The following SCAMP4 variants were observed in gnomAD, a reference collection of about 807,000 sequenced individuals.
SCAMP4 encodes secretory carrier membrane protein 4.
Under a neutral mutation model 32.1 loss-of-function variants are expected in SCAMP4, and 19 were observed. The observed-to-expected ratio is 0.59, with a 90% CI of 0.41 to 0.87. SCAMP4 has a LOEUF of 0.87. Ranked by LOEUF, SCAMP4 falls within the 40% of genes least tolerant of loss-of-function variation. The pLI is 0.00. For missense variants in SCAMP4, 302 were observed against 309.0 expected (o/e 0.98, Z 0.17); for synonymous variants, 152 against 132.7 (o/e 1.15, Z -1.00).
intron 2 of SCAMP4, among the ~76,000 whole-genome samples, chr19:1,916,755 G>A (rs2013745713): frequency 6.6e-6 from 1 of 152,196 alleles, no homozygotes; most frequent in Admixed American, 6.5e-5. Flanking sequence ...CCCACACCTG[G>A]GCAGTTTCTG....
intron 1 of SCAMP4, among the ~76,000 whole-genome samples, chr19:1,913,663 G>T (rs2013620297): frequency 6.6e-6 from 1 of 152,182 alleles, no homozygotes; most frequent in Non-Finnish European, 1.5e-5. Flanking sequence ...CCAAGTGTGT[G>T]GACACTAGGC....
At chr19:1,922,711 T>A in intron 5 of SCAMP4, 2 of 997,724 alleles carry the variant, frequency 2.0e-6, no homozygotes, top group Non-Finnish European at 2.4e-6. Flanking sequence ...TTTCCATGGC[T>A]GGTGCCCGCC....
chr19:1,923,384 C>T (rs958275596), intron 6 of SCAMP4, among the ~76,000 whole-genome samples, 197 bp downstream of exon 6: 2 of 152,138 alleles, frequency 1.3e-5, no homozygotes, highest in African/African-American at 2.4e-5. Context: ...GGACCCAGCG[C>T]CTGGGTTCCT....
intron 1 of SCAMP4, chr19:1,912,616 A>G: frequency 1.4e-6 from 2 of 1,473,738 alleles, no homozygotes; most frequent in Admixed American, 2.4e-5. Flanking sequence ...GCCGCCATGC[A>G]GAGCCACATG....
At chr19:1,919,053 G>C in intron 5 of SCAMP4, 63 bp downstream of exon 5, 6 of 1,559,160 alleles carry the variant, frequency 3.8e-6, no homozygotes, top group Non-Finnish European at 4.3e-6. Context: ...TTGTGGGCCT[G>C]CTGGGAAGCC....
intron 5 of SCAMP4, chr19:1,921,566 G>A (rs976247425): frequency 6.1e-6 from 6 of 985,356 alleles, no homozygotes; most frequent in Admixed American, 6.1e-5. Context: ...ACACTTGCAT[G>A]CGGGGGCGTG....
At chr19:1,919,118 G>C in intron 5 of SCAMP4, 128 bp downstream of exon 5, 1 of 1,497,938 alleles carries the variant, frequency 6.7e-7, no homozygotes, top group South Asian at 1.3e-5. Context: ...CTAGGGAGGG[G>C]TCTGAGCTCA....
In SCAMP4 at chr19:1,924,376, C is replaced by G. The variant is rs1056293209; in HGVS notation, c.*92C>G. ...CCGAGGGCTGGGAGTACCTGGGGCC[C>G]CATCCCCCCAGCTGGGATGGTGGAA... On this transcript the variant is annotated 3_prime_UTR_variant, in exon 7 of 7. Transcript: ENST00000316097. 1.6e-6 allele frequency: 2 copies of G among 1,236,192 alleles called. No individual in the cohort carries two copies. Among genetic ancestry groups the G allele is most frequent in the South Asian group, 1.4e-5 (1 of 71,762 alleles). The allele number at this position is 1,236,192 out of a possible 1,614,324, so 76.6% of individuals were successfully genotyped here.
In SCAMP4 at chr19:1,923,979, C is replaced by T. The variant is rs548278127; in HGVS notation, c.514-129C>T. On this transcript the variant is annotated intron_variant, in intron 6 of 6. Transcript: ENST00000316097. ...TTCACCATGTTGTTTGGACTGGTCT[C>T]GAACTCCAGAGCTCAGACAGTCTGT... 145 of 385,558 alleles carry T rather than the reference C, an allele frequency of 3.8e-4. 12 individuals carry two copies. Among genetic ancestry groups the T allele is most frequent in the East Asian group, 3.4e-3 (118 of 34,602 alleles). 23.9% of individuals were successfully genotyped at this position (385,558 alleles called of 1,614,324 possible). A position where few individuals can be genotyped will look rare whatever the true frequency, so the allele number is the denominator to read the frequency against.
rs372413412 is a variant in SCAMP4 at position 1,924,428 on chromosome 19, C to A, written c.*144C>A. On this transcript the variant is annotated 3_prime_UTR_variant, in exon 7 of 7. Coordinates refer to ENST00000316097, the MANE Select transcript of SCAMP4 (RefSeq NM_079834.4). ...CCGGTGGTGGCCACGGACCGCCCCC[C>A]TCCTGCCAGGGCCACAGAACCCGTG... 3.2e-4 allele frequency: 219 copies of A among 676,718 alleles called. 2 individuals carry two copies. The African/African-American group carries it at 3.3e-3, about 10-fold the overall frequency. The allele number at this position is 676,718 out of a possible 1,614,324, so 41.9% of individuals were successfully genotyped here.
At position 1,912,268 on chromosome 19, in the gene SCAMP4, G is replaced by T. The variant is rs751800354; in HGVS notation, c.-41-2711G>T. 6 of 1,592,922 alleles carry T rather than the reference G, an allele frequency of 3.8e-6. No individual in the cohort carries two copies. In the Admixed American group the frequency reaches 1.0e-4, roughly 27 times the overall value. On this transcript the variant is annotated intron_variant, in intron 1 of 6. Coordinates refer to ENST00000316097, the MANE Select transcript of SCAMP4 (RefSeq NM_079834.4). Reference sequence around the variant, plus strand: ...GTCCTGGACAAGCGCCAGACCTCACGCCTCCTGAAGGAGGTGTCGGCCCTG... The same window carrying T: ...GTCCTGGACAAGCGCCAGACCTCACTCCTCCTGAAGGAGGTGTCGGCCCTG...
rs2013954713 is a variant in SCAMP4 at position 1,922,598 on chromosome 19, A to G, written c.396-472A>G. 8 of 985,098 alleles carry G rather than the reference A, an allele frequency of 8.1e-6. No individual in the cohort carries two copies. The South Asian group carries it at 3.3e-4, about 40-fold the overall frequency. 61.0% of individuals were successfully genotyped at this position (985,098 alleles called of 1,614,324 possible). A position where few individuals can be genotyped will look rare whatever the true frequency, so the allele number is the denominator to read the frequency against. On this transcript the variant is annotated intron_variant, in intron 5 of 6. Coordinates refer to ENST00000316097, the MANE Select transcript of SCAMP4 (RefSeq NM_079834.4). ...TGATGGTGGCAGATTTTCCATCCGC[A>G]TTGCTCCCGGACATGCGGATGTAGG...
At chr19:1,913,696 T>C (rs1273449823) in intron 1 of SCAMP4, among the ~76,000 whole-genome samples, 1 of 152,144 alleles carries the variant, frequency 6.6e-6, no homozygotes, top group Non-Finnish European at 1.5e-5. Flanking sequence ...GCACCGACCC[T>C]AAGGAAGGGC....
intron 1 of SCAMP4, among the ~76,000 whole-genome samples, chr19:1,909,949 C>A (rs1320530464): frequency 6.6e-6 from 1 of 152,208 alleles, no homozygotes; most frequent in African/African-American, 2.4e-5. Context: ...CCTTGGCCGA[C>A]TAGGGGGCGA....
intron 1 of SCAMP4, chr19:1,912,605 C>T (rs1599241110): frequency 6.7e-7 from 1 of 1,484,358 alleles, no homozygotes; most frequent in Non-Finnish European, 8.9e-7. Flanking sequence ...CGCAGGAGCG[C>T]GCCGCCATGC....
intron 5 of SCAMP4, among the ~76,000 whole-genome samples, chr19:1,919,795 G>A (rs1329439699): frequency 1.3e-5 from 2 of 150,988 alleles, no homozygotes; most frequent in African/African-American, 2.4e-5. Context: ...CACTGCACCC[G>A]GCCCTTTTTT....
At chr19:1,911,066 G>A (rs536426587) in intron 1 of SCAMP4, among the ~76,000 whole-genome samples, 44 of 152,160 alleles carry the variant, frequency 2.9e-4, no homozygotes, top group African/African-American at 9.6e-4. Context: ...TAGTAGAGAC[G>A]GGGTTTCACC....
At chr19:1,919,251 G>A (rs1475799584) in intron 5 of SCAMP4, 20 of 1,333,650 alleles carry the variant, frequency 1.5e-5, no homozygotes, top group Admixed American at 3.2e-5. Flanking sequence ...CTGCGTCCTC[G>A]CCAGCGCCCA....
intron 1 of SCAMP4, chr19:1,905,733 G>A (rs967319336): frequency 2.0e-5 from 3 of 152,514 alleles, no homozygotes; most frequent in Non-Finnish European, 4.4e-5. Context: ...GTCGGTGCGG[G>A]AGACCCCGTA....
Sources: allele counts gnomAD v4.1 joint callset (sites outside exome capture counted in the v4.1 genomes callset), GRCh38; gene constraint gnomAD v4.1.1; transcripts MANE v1.5; gene names NCBI Gene and HGNC (gene_info 2026-07-23, HGNC 2026-07-21).